Variants in RETREG1 observed in about 807,000 individuals in gnomAD.
RETREG1 encodes the protein reticulophagy regulator 1, also known as family with sequence similarity 134 member B.
RETREG1 carries 44 observed loss-of-function variants against 54.8 expected under a neutral mutation model. The ratio of observed to expected loss-of-function variants is 0.80; its 90% CI spans 0.63 to 1.03. RETREG1 has a LOEUF of 1.03. RETREG1 is among the 50% of genes least tolerant of loss of function. The pLI is 0.00. For missense variants in RETREG1, 554 were observed against 605.1 expected, an observed-to-expected ratio of 0.92 and a Z score of 0.89; for synonymous variants, 217 against 238.5, an observed-to-expected ratio of 0.91 and a Z score of 0.83.
intron 6 of RETREG1, among the ~76,000 whole-genome samples, chr5:16,478,460 C>T (rs1738633371): frequency 6.6e-6 from 1 of 152,082 alleles, no homozygotes; most frequent in Admixed American, 6.6e-5. Flanking sequence ...GACTCCGATA[C>T]ATTCTAGTTT....
intron 3 of RETREG1, among the ~76,000 whole-genome samples, chr5:16,500,681 A>T (rs332807): frequency 6.6e-6 from 1 of 151,930 alleles, no homozygotes; most frequent in Non-Finnish European, 1.5e-5. Flanking sequence ...TCATCTCTCT[A>T]TAAGATGCAC....
rs1408013301 is a variant in RETREG1 at position 16,565,810 on chromosome 5, C to G, written c.428-17G>C. The G allele has an allele frequency of 2.5e-6, 4 of 1,612,846 alleles. No homozygotes were observed. Among genetic ancestry groups the G allele is most frequent in the Admixed American group, 1.7e-5 (1 of 59,878 alleles). ...ACTGTGCACCTGCAACAGGGAGAAG[C>G]AAAATGTGAAACTTAACAGAGGTAT... is the stretch of plus-strand genomic sequence containing the variant. On this transcript the variant is annotated splice_polypyrimidine_tract_variant and intron_variant, in intron 2 of 8. Coordinates refer to ENST00000306320, the MANE Select transcript of RETREG1 (RefSeq NM_001034850.3).
chr5:16,591,474 A>C (rs1472892459), intron 1 of RETREG1, among the ~76,000 whole-genome samples: 1 of 152,152 alleles, frequency 6.6e-6, no homozygotes, highest in Non-Finnish European at 1.5e-5. Flanking sequence ...GTTTGTTTTT[A>C]ATGCTTTTCC....
At chr5:16,549,707 T>C (rs1741480299) in intron 3 of RETREG1, among the ~76,000 whole-genome samples, 1 of 152,226 alleles carries the variant, frequency 6.6e-6, no homozygotes, top group Non-Finnish European at 1.5e-5. Context: ...TTATTCAACA[T>C]AAACAGCAGT....
rs113622317 is a variant in RETREG1 at position 16,562,663 on chromosome 5, C to T, written c.458+3100G>A. 2.4e-3 allele frequency among the ~76,000 whole-genome samples: 368 copies of T among 152,196 alleles called. 1 individual carries two copies. The highest frequency in any genetic ancestry group is 8.6e-3 in the African/African-American group (359 of 41,514). On this transcript the variant is annotated intron_variant, in intron 3 of 8. Coordinates refer to ENST00000306320, the MANE Select transcript of RETREG1 (RefSeq NM_001034850.3). ...ACATTTTACCTCTGAAATTTTTCTC[C>T]CAAAAACACATACCCCCAATCTAAT...
intron 3 of RETREG1, among the ~76,000 whole-genome samples, chr5:16,516,063 C>CAAAA (rs11351805): frequency 8.2e-6 from 1 of 121,252 alleles, no homozygotes; most frequent in African/African-American, 3.0e-5. Flanking sequence ...TGAAATAAAG[C>CAAAA]AAAAAAAAAA....
At chr5:16,522,588 T>A (rs919003702) in intron 3 of RETREG1, among the ~76,000 whole-genome samples, 8 of 152,138 alleles carry the variant, frequency 5.3e-5, no homozygotes, top group African/African-American at 1.9e-4. Flanking sequence ...CAGTAAGACT[T>A]TCATGGTGTT....
At position 16,593,905 on chromosome 5, in the gene RETREG1, C is replaced by G. The variant is rs1742837169; in HGVS notation, c.321-21803G>C. 6.6e-6 allele frequency among the ~76,000 whole-genome samples: 1 copy of G among 152,226 alleles called. No individual in the cohort carries two copies. ...GTTTACTGTGAAAGCCACACCAAAT[C>G]CGAATACAACGAATGTCTGGCCTTC... is the stretch of plus-strand genomic sequence containing the variant. On this transcript the variant is annotated intron_variant, in intron 1 of 8. Coordinates refer to ENST00000306320, the MANE Select transcript of RETREG1 (RefSeq NM_001034850.3). This position sits in a 1 kb window ranked among gnomAD's most constrained non-coding sequence, Gnocchi z 4.9.
At chr5:16,475,347 A>G in intron 8 of RETREG1, 113 bp from the exon 9 acceptor site, 9 of 1,183,556 alleles carry the variant, frequency 7.6e-6, no homozygotes, top group Non-Finnish European at 1.1e-5. Context: ...CTTGGCATTC[A>G]TCTAGCCTCC....
chr5:16,528,786 G>T (rs1561107028), intron 3 of RETREG1, among the ~76,000 whole-genome samples: 1 of 152,150 alleles, frequency 6.6e-6, no homozygotes, highest in African/African-American at 2.4e-5. Flanking sequence ...TTTCTATAAA[G>T]GGCTAGACAG....
At chr5:16,489,843 T>C (rs1379559673) in intron 3 of RETREG1, among the ~76,000 whole-genome samples, 1 of 152,196 alleles carries the variant, frequency 6.6e-6, no homozygotes, top group East Asian at 1.9e-4. Flanking sequence ...GAAAACTATG[T>C]TGGGGATTGG....
intron 3 of RETREG1, among the ~76,000 whole-genome samples, chr5:16,557,082 G>A (rs941588586): frequency 3.3e-5 from 5 of 152,212 alleles, no homozygotes; most frequent in East Asian, 3.9e-4. Flanking sequence ...TGCCCGCCTC[G>A]GCCTCCCATA....
chr5:16,610,842 G>A (rs928188922), intron 1 of RETREG1, among the ~76,000 whole-genome samples: 2 of 152,152 alleles, frequency 1.3e-5, no homozygotes, highest in African/African-American at 4.8e-5. Context: ...GTGGAAGTCA[G>A]TGTGGCGATT....
chr5:16,508,537 A>G (rs1385883670), intron 3 of RETREG1: 1 of 1,573,428 alleles, frequency 6.4e-7, no homozygotes, highest in African/African-American at 1.3e-5. Context: ...AGCCAGTGAA[A>G]CAGACTGAAG....
At chr5:16,580,733 G>C (rs1426999239) in intron 1 of RETREG1, among the ~76,000 whole-genome samples, 3 of 152,204 alleles carry the variant, frequency 2.0e-5, no homozygotes, top group African/African-American at 7.2e-5. Flanking sequence ...CAGGGCGATC[G>C]AGTACAGACT....
chr5:16,498,542 A>G (rs1309369041), intron 3 of RETREG1, among the ~76,000 whole-genome samples: 3 of 152,092 alleles, frequency 2.0e-5, no homozygotes. Context: ...GCAAAACCCA[A>G]TCTCTACAAA....
At chr5:16,504,185 G>C (rs151149579) in intron 3 of RETREG1, among the ~76,000 whole-genome samples, 2 of 152,162 alleles carry the variant, frequency 1.3e-5, no homozygotes, top group African/African-American at 4.8e-5. Flanking sequence ...TTAGTTCGCC[G>C]AGGATAACGG....
intron 1 of RETREG1, among the ~76,000 whole-genome samples, chr5:16,592,294 G>GA (rs1369016988): frequency 6.6e-6 from 1 of 152,046 alleles, no homozygotes; most frequent in Non-Finnish European, 1.5e-5. Flanking sequence ...AGAAGCGTAT[G>GA]AAAAAAAGCT....
At position 16,474,686 on chromosome 5, in the gene RETREG1, C is replaced by CTTTTTTTAAATTTTTT; in HGVS notation, c.*54_*55insAAAAAATTTAAAAAAA. ...TTCTTTTCCTTTTTTTTTTTTTTTT[C>CTTTTTTTAAATTTTTT]TTGTTTGAAATTTTTTTGGTGTTTT... On this transcript the variant is annotated 3_prime_UTR_variant, in exon 9 of 9. Coordinates refer to ENST00000306320, the MANE Select transcript of RETREG1 (RefSeq NM_001034850.3). 2.8e-6 allele frequency: 2 copies of CTTTTTTTAAATTTTTT among 719,202 alleles called. No individual in the cohort carries two copies. Among genetic ancestry groups the CTTTTTTTAAATTTTTT allele is most frequent in the Non-Finnish European group, 3.8e-6 (2 of 528,148 alleles). The allele number at this position is 719,202 out of a possible 1,614,324, so 44.6% of individuals were successfully genotyped here. A position where few individuals can be genotyped will look rare whatever the true frequency, so the allele number is the denominator to read the frequency against.
Sources: allele counts gnomAD v4.1 joint callset (sites outside exome capture counted in the v4.1 genomes callset), GRCh38; gene constraint gnomAD v4.1.1; non-coding constraint Gnocchi (gnomAD v3.1); transcripts MANE v1.5; gene names NCBI Gene and HGNC (gene_info 2026-07-23, HGNC 2026-07-21).